Variants in UCK2 observed in about 807,000 individuals in gnomAD.
UCK2 encodes cytidine monophosphokinase 2.
In UCK2, 6 loss-of-function variants were observed where a neutral mutation model predicts 30.8. The ratio of observed to expected loss-of-function variants is 0.19; its 90% confidence interval spans 0.11 to 0.38. The LOEUF (loss-of-function observed/expected upper bound fraction) is 0.38, where lower values mean the gene tolerates loss of function less well. Among genes scored for constraint, UCK2 ranks in the 10% least tolerant of loss-of-function variants. The pLI, the probability that UCK2 is intolerant of heterozygous loss-of-function variation, is 1.00. For missense variants in UCK2, 210 were observed against 339.8 expected, an observed-to-expected ratio of 0.62 and a Z score of 3.00; for synonymous variants, 125 against 133.6, an observed-to-expected ratio of 0.94 and a Z score of 0.45.
At chr1:165,841,193 T>A (rs566326018) in intron 1 of UCK2, among the ~76,000 whole-genome samples, 3 of 151,908 alleles carry the variant, frequency 2.0e-5, no homozygotes, top group Non-Finnish European at 4.4e-5. Flanking sequence ...CTGCTGCTTT[T>A]TTTTTTTGAG....
intron 1 of UCK2, among the ~76,000 whole-genome samples, chr1:165,877,054 C>T (rs752493595): frequency 1.3e-5 from 2 of 152,062 alleles, no homozygotes; most frequent in Admixed American, 6.6e-5. Flanking sequence ...AGAATATGAT[C>T]GTAGATTTTG....
At chr1:165,828,412 G>A (rs1043659767) in intron 1 of UCK2, among the ~76,000 whole-genome samples, 2 of 152,224 alleles carry the variant, frequency 1.3e-5, no homozygotes, top group African/African-American at 2.4e-5. Context: ...GGCCGAGAGG[G>A]CGAGGGTGGC....
chr1:165,896,986 C>T (rs1248755047), intron 4 of UCK2, among the ~76,000 whole-genome samples: 1 of 152,204 alleles, frequency 6.6e-6, no homozygotes, highest in Non-Finnish European at 1.5e-5. Flanking sequence ...AGAGAGTTCG[C>T]TTCCACCAGG....
rs1647858321 is a variant in UCK2 at position 165,911,517 on chromosome 1, G to A, written c.*3694G>A. 6.6e-6 allele frequency: 1 copy of A among 152,082 alleles called. No individual in the cohort carries two copies. The highest frequency in any genetic ancestry group is 2.4e-5 in the African/African-American group (1 of 41,392). The allele number at this position is 152,082 out of a possible 1,614,324, so 9.4% of individuals were successfully genotyped here. On this transcript the variant is annotated 3_prime_UTR_variant, in exon 7 of 7. Transcript: ENST00000367879. ...TTTTTTCCCCCCTTTTAAGATGCTT[G>A]CTCCTCTCCCTTTTCTTTTTACCAC...
intron 1 of UCK2, among the ~76,000 whole-genome samples, chr1:165,862,170 GCTCTTAAT>G (rs1654925751): frequency 6.6e-6 from 1 of 152,126 alleles, no homozygotes; most frequent in Non-Finnish European, 1.5e-5. Context: ...ATATGCACAG[GCTCTTAAT>G]CTCTGTTTTC....
intron 1 of UCK2, among the ~76,000 whole-genome samples, chr1:165,869,831 T>A (rs544971598): frequency 9.9e-5 from 15 of 152,076 alleles, no homozygotes; most frequent in Admixed American, 1.3e-4. Flanking sequence ...TTTTAAAAAC[T>A]TTTTTGTGGA....
chr1:165,890,812 G>T, intron 2 of UCK2: 1 of 260,848 alleles, frequency 3.8e-6, no homozygotes, highest in South Asian at 4.7e-5. Context: ...TCAGCACACT[G>T]CTCCTTTAGC....
At chr1:165,902,594 T>A (rs1471164434) in intron 4 of UCK2, 1 of 86,072 alleles carries the variant, frequency 1.2e-5, no homozygotes, top group African/African-American at 3.6e-5. Context: ...ACTGAGTGAT[T>A]TTTTTTTTTT....
chr1:165,887,676 A>G (rs1437988916), intron 1 of UCK2, among the ~76,000 whole-genome samples: 1 of 152,186 alleles, frequency 6.6e-6, no homozygotes, highest in African/African-American at 2.4e-5. Context: ...AGGACGTAAG[A>G]AACGTCCTAA....
chr1:165,873,383 A>G (rs1655251740), intron 1 of UCK2, among the ~76,000 whole-genome samples: 2 of 152,234 alleles, frequency 1.3e-5, no homozygotes, highest in African/African-American at 4.8e-5. Context: ...AAACACGGAA[A>G]AATGCTTGCC....
intron 4 of UCK2, chr1:165,897,857 A>C (rs2101885357): frequency 6.6e-6 from 1 of 152,302 alleles, no homozygotes; most frequent in East Asian, 1.9e-4. Context: ...GTGATGGAAA[A>C]AAGAATGGAA....
chr1:165,841,572 C>T (rs572403809), intron 1 of UCK2, among the ~76,000 whole-genome samples: 4 of 152,298 alleles, frequency 2.6e-5, no homozygotes, highest in African/African-American at 9.6e-5. Context: ...TCCATGTCTT[C>T]GTTCATTCAG....
At chr1:165,874,465 T>C (rs548865469) in intron 1 of UCK2, among the ~76,000 whole-genome samples, 3 of 152,146 alleles carry the variant, frequency 2.0e-5, no homozygotes, top group Non-Finnish European at 2.9e-5. Flanking sequence ...GTAGCTCATA[T>C]AGCATTTTCA....
chr1:165,908,064 A>G lies in UCK2; in HGVS notation c.*241A>G. On this transcript the variant is annotated 3_prime_UTR_variant, in exon 7 of 7. Coordinates refer to ENST00000367879, the MANE Select transcript of UCK2 (RefSeq NM_012474.5). ...TACTACTGGTGATGCCTAATTATGA[A>G]TCCAACGTGTAACCAGTTATAAATA... The G allele has an allele frequency of 2.2e-6, 1 of 459,274 alleles. No individual in the cohort carries two copies. Among genetic ancestry groups the G allele is most frequent in the Admixed American group, 3.9e-5 (1 of 25,404 alleles). The allele number at this position is 459,274 out of a possible 1,614,324, so 28.4% of individuals were successfully genotyped here.
chr1:165,871,964 A>G (rs1655205584), intron 1 of UCK2, among the ~76,000 whole-genome samples: 1 of 152,182 alleles, frequency 6.6e-6, no homozygotes, highest in Admixed American at 6.5e-5. Flanking sequence ...CAGAGAAGTG[A>G]GGACAGGATA....
chr1:165,896,432 C>T, intron 4 of UCK2, 100 bp downstream of exon 4: 1 of 1,395,280 alleles, frequency 7.2e-7, no homozygotes, highest in Non-Finnish European at 9.9e-7. Context: ...GTCTGAAGCC[C>T]ATGCCTTCCC....
intron 1 of UCK2, among the ~76,000 whole-genome samples, chr1:165,870,557 A>G (rs1212292189): frequency 1.3e-5 from 2 of 152,154 alleles, no homozygotes; most frequent in South Asian, 2.1e-4. Flanking sequence ...GTGTCTGGCT[A>G]CAGGGTTCTG....
At chr1:165,874,107 G>T (rs1310067639) in intron 1 of UCK2, among the ~76,000 whole-genome samples, 1 of 152,102 alleles carries the variant, frequency 6.6e-6, no homozygotes, top group Non-Finnish European at 1.5e-5. Context: ...TCTATTTTAT[G>T]AATTTACTTC....
intron 1 of UCK2, 147 bp from the exon 2 acceptor site, chr1:165,890,057 A>G: frequency 1.3e-6 from 1 of 797,602 alleles, no homozygotes; most frequent in Non-Finnish European, 2.0e-6. Flanking sequence ...TAGCCCTTTA[A>G]CTCATCATGC....
Sources: gnomAD v4.1 joint callset for allele counts (sites outside exome capture counted in the v4.1 genomes callset) on GRCh38, gnomAD v4.1.1 for gene constraint, MANE v1.5 for transcripts, NCBI Gene and HGNC (gene_info 2026-07-23, HGNC 2026-07-21) for gene names.